MARCHF10: variants seen among roughly 807,000 people sequenced by gnomAD.
MARCHF10 encodes membrane associated ring-CH-type finger 10, also known as probable E3 ubiquitin-protein ligase MARCHF10.
A neutral mutation model predicts 76.2 loss-of-function variants in MARCHF10; 64 were observed. The observed-to-expected ratio is 0.84, with a 90% CI of 0.69 to 1.03. MARCHF10 has a LOEUF of 1.03. Among genes scored for constraint, MARCHF10 ranks in the 50% least tolerant of loss-of-function variants. The pLI is 0.00. For synonymous variants in MARCHF10, 340 were observed against 357.5 expected (o/e 0.95, Z 0.55); for missense variants, 875 against 958.0 (o/e 0.91, Z 1.14).
chr17:62,755,889 G>C (rs542310777), intron 4 of MARCHF10, among the ~76,000 whole-genome samples: 3 of 152,122 alleles, frequency 2.0e-5, no homozygotes, highest in Non-Finnish European at 4.4e-5. Context: ...CAAGGCGGGA[G>C]GATCACTTGA....
chr17:62,731,312 G>GA (rs1481200373), intron 6 of MARCHF10, among the ~76,000 whole-genome samples: 2 of 152,112 alleles, frequency 1.3e-5, no homozygotes, highest in Non-Finnish European at 2.9e-5. Flanking sequence ...GCCCAGGCTG[G>GA]AGTCCAGTAG....
At chr17:62,784,623 C>A (rs2092716256) in intron 3 of MARCHF10, among the ~76,000 whole-genome samples, 1 of 152,168 alleles carries the variant, frequency 6.6e-6, no homozygotes, top group African/African-American at 2.4e-5. Context: ...ATTTAGAAAA[C>A]CCCATTGTCT....
In MARCHF10 at chr17:62,737,054, G is replaced by A. The variant is rs201044118; in HGVS notation, c.814C>T (p.Arg272Ter). ...AAAATGGAATAAAAGTCTTCATCTC[G>A]GAACCTAAATGATGCCTTTCTTGGC... ...GGPRKASFRF[R>*]DEDFYSILSL... Residue 272 changes from arginine to a stop codon, truncating the protein, a stop_gained, in exon 6 of 11, where the codon CGA becomes TGA. Transcript: ENST00000311269. LOFTEE classifies it high-confidence loss of function. 58 of 1,614,004 alleles carry A rather than the reference G, an allele frequency of 3.6e-5. No individual in the cohort carries two copies. Among genetic ancestry groups the A allele is most frequent in the Middle Eastern group, 1.6e-4 (1 of 6,062 alleles).
intron 2 of MARCHF10, among the ~76,000 whole-genome samples, chr17:62,800,476 G>A (rs1264366632): frequency 6.6e-5 from 10 of 152,162 alleles, no homozygotes; most frequent in Non-Finnish European, 8.8e-5. Context: ...GGGTTGGCAC[G>A]TTGTGGGAGG....
At chr17:62,800,789 T>A (rs2093058295) in intron 2 of MARCHF10, among the ~76,000 whole-genome samples, 1 of 152,168 alleles carries the variant, frequency 6.6e-6, no homozygotes, top group African/African-American at 2.4e-5. Flanking sequence ...CTGGCAAGTT[T>A]GTCCTATGCC....
At chr17:62,721,364 CT>C (rs146401118) in intron 8 of MARCHF10, among the ~76,000 whole-genome samples, 50,943 of 147,852 alleles carry the variant, frequency 0.34, 8,572 homozygotes, top group Non-Finnish European at 0.35. Context: ...TATTACCCCC[CT>C]TTTTTTTTTT....
intron 8 of MARCHF10, among the ~76,000 whole-genome samples, chr17:62,717,168 G>A (rs959780764): frequency 1.3e-5 from 2 of 152,232 alleles, no homozygotes; most frequent in African/African-American, 4.8e-5. Flanking sequence ...CTGGGGCCTG[G>A]GGTTTCGCCC....
chr17:62,758,453 T>C (rs548404249), intron 4 of MARCHF10, among the ~76,000 whole-genome samples: 3 of 152,328 alleles, frequency 2.0e-5, no homozygotes, highest in South Asian at 2.1e-4. Context: ...TTACAACTTG[T>C]ATTTTGAAAT....
chr17:62,724,799 C>T (rs529837435), intron 7 of MARCHF10, 139 bp downstream of exon 7: 19 of 861,956 alleles, frequency 2.2e-5, no homozygotes, highest in Middle Eastern at 4.8e-4. Context: ...GAGCAAGGAT[C>T]TGGAGCTCAG....
intron 4 of MARCHF10, among the ~76,000 whole-genome samples, chr17:62,754,433 G>A (rs1162451679): frequency 2.6e-5 from 4 of 152,158 alleles, no homozygotes. Context: ...TGTTCTTATG[G>A]AGACATTAGC....
intron 9 of MARCHF10, among the ~76,000 whole-genome samples, chr17:62,709,657 T>A (rs1040660290): frequency 6.6e-6 from 1 of 152,182 alleles, no homozygotes; most frequent in African/African-American, 2.4e-5. Flanking sequence ...ACCATCAGAT[T>A]CTGAATGTTT....
chr17:62,715,586 C>T (rs2090152987), intron 8 of MARCHF10, among the ~76,000 whole-genome samples: 1 of 152,218 alleles, frequency 6.6e-6, no homozygotes, highest in Non-Finnish European at 1.5e-5. Flanking sequence ...CCAACGCTCA[C>T]AGGAGCAAAT....
intron 9 of MARCHF10, among the ~76,000 whole-genome samples, chr17:62,709,299 G>A (rs1331311889): frequency 1.3e-5 from 2 of 152,136 alleles, no homozygotes; most frequent in Non-Finnish European, 2.9e-5. Context: ...GACCAACATG[G>A]TGAAACCCTG....
Position 62,701,366 on chromosome 17 carries a change from G to T in MARCHF10, c.*337C>A, listed in dbSNP as rs2089225336. The stretch of plus-strand genomic sequence containing the variant: ...GAATACATGGCTCGAGTCCATTCAG[G>T]GTGGAGTGAGGCCTGGCAGGTGCCC... On this transcript the variant is annotated 3_prime_UTR_variant, in exon 11 of 11. Coordinates refer to ENST00000311269, the MANE Select transcript of MARCHF10 (RefSeq NM_152598.4). 2 of 396,992 alleles carry T rather than the reference G, an allele frequency of 5.0e-6. No individual in the cohort carries two copies. Among genetic ancestry groups the T allele is most frequent in the South Asian group, 3.3e-5 (1 of 30,478 alleles). The allele number at this position is 396,992 out of a possible 1,614,324, so 24.6% of individuals were successfully genotyped here.
In MARCHF10 at chr17:62,712,751, ATTTAAT is replaced by A. The variant is rs1261114009; in HGVS notation, c.2215-1413_2215-1408del. Among the ~76,000 whole-genome samples, 1 of 151,990 alleles carries A rather than the reference ATTTAAT, an allele frequency of 6.6e-6. No individual in the cohort carries two copies. Among genetic ancestry groups the A allele is most frequent in the Non-Finnish European group, 1.5e-5 (1 of 67,996 alleles). On this transcript the variant is annotated intron_variant, in intron 8 of 10. Coordinates refer to ENST00000311269, the MANE Select transcript of MARCHF10 (RefSeq NM_152598.4). The surrounding 1 kb of genome is among the most constrained non-coding windows in gnomAD (Gnocchi z 4.2). ...TGTTTGCATTATTTCTGTTTTATTT[ATTTAAT>A]TTTATTTTTGAGACAGACACAGTCT... is the stretch of plus-strand genomic sequence containing the variant.
rs149405519 is a variant in MARCHF10 at position 62,711,515 on chromosome 17, T to C, written c.2215-171A>G. On this transcript the variant is annotated intron_variant, in intron 8 of 10. Coordinates refer to ENST00000311269, the MANE Select transcript of MARCHF10 (RefSeq NM_152598.4). The surrounding 1 kb of genome is among the most constrained non-coding windows in gnomAD (Gnocchi z 4.4). ...AGACAGAGCAGGAGGAGATCCAGGG[T>C]AGAGGCCAGGGCAGCCACTCCCCTG... 1.2e-4 allele frequency among the ~76,000 whole-genome samples: 19 copies of C among 152,110 alleles called. No individual in the cohort carries two copies. The East Asian group carries it at 3.7e-3, about 29-fold the overall frequency.
chr17:62,791,322 A>G (rs1353672278), intron 2 of MARCHF10, among the ~76,000 whole-genome samples: 1 of 152,164 alleles, frequency 6.6e-6, no homozygotes, highest in African/African-American at 2.4e-5. Context: ...GTCCTAACCT[A>G]CTGGTATTAA....
intron 3 of MARCHF10, among the ~76,000 whole-genome samples, chr17:62,769,040 C>T (rs1384217918): frequency 6.6e-6 from 1 of 152,188 alleles, no homozygotes; most frequent in Non-Finnish European, 1.5e-5. Flanking sequence ...CATAGAATGT[C>T]TTACGCTCTA....
chr17:62,713,118 A>G (rs2090015364), intron 8 of MARCHF10, among the ~76,000 whole-genome samples: 1 of 151,634 alleles, frequency 6.6e-6, no homozygotes, highest in Non-Finnish European at 1.5e-5. Context: ...CTCGCCAACC[A>G]CCTCTTCTGA....
Sources: gnomAD v4.1 joint callset for allele counts (sites outside exome capture counted in the v4.1 genomes callset) on GRCh38, gnomAD v4.1.1 for gene constraint, Gnocchi (gnomAD v3.1) non-coding constraint, MANE v1.5 for transcripts, NCBI Gene and HGNC (gene_info 2026-07-23, HGNC 2026-07-21) for gene names.